RETREG1: variants seen among roughly 807,000 people sequenced by gnomAD.
The protein encoded by RETREG1 is family with sequence similarity 134 member B.
In RETREG1, 44 loss-of-function variants were observed where a neutral mutation model predicts 54.8. The observed-to-expected ratio is 0.80, with a 90% CI of 0.63 to 1.03. The LOEUF (loss-of-function observed/expected upper bound fraction) is 1.03, where lower values mean the gene tolerates loss of function less well. RETREG1 is among the 50% of genes least tolerant of loss of function. RETREG1 has a pLI of 0.00. For missense variants in RETREG1, 554 were observed against 605.1 expected (o/e 0.92, Z 0.89); for synonymous variants, 217 against 238.5 (o/e 0.91, Z 0.83).
intron 3 of RETREG1, among the ~76,000 whole-genome samples, chr5:16,497,994 G>T (rs1025350650): frequency 1.3e-5 from 2 of 152,146 alleles, no homozygotes; most frequent in Non-Finnish European, 2.9e-5. Context: ...ATCTCTTCTT[G>T]TTTCAGCAAG....
At chr5:16,590,854 A>AC (rs1355132484) in intron 1 of RETREG1, among the ~76,000 whole-genome samples, 1 of 150,838 alleles carries the variant, frequency 6.6e-6, no homozygotes, top group Non-Finnish European at 1.5e-5. Context: ...ATGCACACAC[A>AC]AAAAACACAC....
chr5:16,474,743 A>T lies in RETREG1; in HGVS notation c.1492T>A (p.Ter498LysextTer32). The T allele has an allele frequency of 6.2e-7, 1 of 1,606,832 alleles. No individual in the cohort carries two copies. Among genetic ancestry groups the T allele is most frequent in the Non-Finnish European group, 8.5e-7 (1 of 1,178,940 alleles). The change falls in exon 9 of 9, where the codon TAA (stop) becomes AAA (lysine). Residue 498 changes from the stop codon to lysine (K), a stop_lost. Coordinates refer to ENST00000306320, the MANE Select transcript of RETREG1 (RefSeq NM_001034850.3). ...GFLSNLLGGH[*>K] ...TCTGTTGCAAGCTGATTCCTAGATT[A>T]ATGGCCTCCCAGCAGATTTGAAAGG... is the stretch of plus-strand genomic sequence containing the variant.
At chr5:16,484,086 T>G (rs148680967) in intron 3 of RETREG1, among the ~76,000 whole-genome samples, 1 of 152,042 alleles carries the variant, frequency 6.6e-6, no homozygotes, top group African/African-American at 2.4e-5. Context: ...CTATAGAAAA[T>G]TGTTAAAAAG....
At chr5:16,612,837 CTT>C (rs904619575) in intron 1 of RETREG1, among the ~76,000 whole-genome samples, 1 of 152,068 alleles carries the variant, frequency 6.6e-6, no homozygotes, top group African/African-American at 2.4e-5. Context: ...TCGAGAATGT[CTT>C]TTATTTTCTT....
chr5:16,535,327 G>C (rs571913064), intron 3 of RETREG1, among the ~76,000 whole-genome samples: 1 of 152,254 alleles, frequency 6.6e-6, no homozygotes, highest in Non-Finnish European at 1.5e-5. Context: ...TGGAGTTCCT[G>C]TGTGCACGCT....
intron 3 of RETREG1, among the ~76,000 whole-genome samples, chr5:16,563,268 T>C (rs974134818): frequency 2.9e-4 from 44 of 152,318 alleles, no homozygotes; most frequent in African/African-American, 9.4e-4. Context: ...TATTTTATGT[T>C]ATTTTTTAAG....
At chr5:16,512,883 G>A (rs1740223083) in intron 3 of RETREG1, among the ~76,000 whole-genome samples, 1 of 152,106 alleles carries the variant, frequency 6.6e-6, no homozygotes, top group South Asian at 2.1e-4. Flanking sequence ...CCAGGTGCCA[G>A]AAACGGGATT....
chr5:16,563,071 T>C (rs1448925422), intron 3 of RETREG1, among the ~76,000 whole-genome samples: 2 of 152,104 alleles, frequency 1.3e-5, no homozygotes, highest in Non-Finnish European at 1.5e-5. Flanking sequence ...AAACTGTTTT[T>C]AAAAATAACG....
At chr5:16,563,289 GCT>G (rs1741918696) in intron 3 of RETREG1, among the ~76,000 whole-genome samples, 1 of 152,082 alleles carries the variant, frequency 6.6e-6, no homozygotes, top group Non-Finnish European at 1.5e-5. Flanking sequence ...ACAAGGTCTC[GCT>G]CTGTTGCCCA....
chr5:16,474,975 T>C lies in RETREG1; in HGVS notation c.1260A>G (p.Ala420=). The change falls in exon 9 of 9, where the codon GCA becomes GCG. Residue 420 remains alanine (A), a synonymous_variant. Transcript: ENST00000306320. ...ACTGGTCTTTGATAGCTGCAGTCAC[T>C]GCAGCTGTGATAACATCCCCAGCCA... ...SNLAGDVITA[A]VTAAIKDQLE... The C allele has an allele frequency of 1.9e-6, 3 of 1,613,922 alleles. No homozygotes were observed. The highest frequency in any genetic ancestry group is 2.5e-6 in the Non-Finnish European group (3 of 1,179,924).
rs1393991390 is a variant in RETREG1 at position 16,554,456 on chromosome 5, C to A, written c.458+11307G>T. On this transcript the variant is annotated intron_variant, in intron 3 of 8. Transcript: ENST00000306320. ...TGCAGAGTGCTGGTTGTCACCTCCC[C>A]ACATTCACCCTGCCTGCGGGCACAC... 2.6e-5 allele frequency among the ~76,000 whole-genome samples: 4 copies of A among 152,292 alleles called. No homozygotes were observed. In the East Asian group the frequency reaches 5.8e-4, roughly 22 times the overall value.
chr5:16,516,063 CAA>C lies in RETREG1; in HGVS notation c.459-32593_459-32592del, dbSNP rs11351805. 1.6e-3 allele frequency among the ~76,000 whole-genome samples: 190 copies of C among 121,164 alleles called. 1 individual carries two copies. The Middle Eastern group carries it at 0.023, about 15-fold the overall frequency. The allele number at this position is 121,164 out of a possible 152,430, so 79.5% of individuals were successfully genotyped here. A position where few individuals can be genotyped will look rare whatever the true frequency, so the allele number is the denominator to read the frequency against. ...TTCCATGTAAATAGTTGAAATAAAGCAAAAAAAAAAAAAAAAGTGCAACTTAA... is the reference window on the plus strand; with the variant it reads ...TTCCATGTAAATAGTTGAAATAAAGCAAAAAAAAAAAAAAGTGCAACTTAA... On this transcript the variant is annotated intron_variant, in intron 3 of 8. Transcript: ENST00000306320.
intron 1 of RETREG1, among the ~76,000 whole-genome samples, chr5:16,576,516 G>A (rs1372083323): frequency 4.7e-5 from 7 of 150,304 alleles, no homozygotes; most frequent in African/African-American, 1.2e-4. Flanking sequence ...ACGGAGTTTC[G>A]CTCTTGTTGC....
At chr5:16,603,558 G>A (rs1055120774) in intron 1 of RETREG1, among the ~76,000 whole-genome samples, 3 of 152,168 alleles carry the variant, frequency 2.0e-5, no homozygotes, top group Non-Finnish European at 2.9e-5. Flanking sequence ...GAGAGCGGCT[G>A]CCTACAGAGC....
chr5:16,569,563 G>A (rs1329081737), intron 2 of RETREG1, among the ~76,000 whole-genome samples: 1 of 152,164 alleles, frequency 6.6e-6, no homozygotes, highest in African/African-American at 2.4e-5. Flanking sequence ...GACAGCTACT[G>A]TGCTGAAGGC....
At chr5:16,550,275 T>A (rs201810717) in intron 3 of RETREG1, among the ~76,000 whole-genome samples, 26 of 148,328 alleles carry the variant, frequency 1.8e-4, no homozygotes, top group East Asian at 1.6e-3. Context: ...CTTTAAAATT[T>A]AAAAAAAAAA....
At chr5:16,538,520 C>T (rs1443089914) in intron 3 of RETREG1, among the ~76,000 whole-genome samples, 1 of 152,192 alleles carries the variant, frequency 6.6e-6, no homozygotes, top group Non-Finnish European at 1.5e-5. Flanking sequence ...CACGATACTT[C>T]TATTACTACA....
chr5:16,598,027 G>A (rs894885837), intron 1 of RETREG1, among the ~76,000 whole-genome samples: 1 of 151,830 alleles, frequency 6.6e-6, no homozygotes, highest in African/African-American at 2.4e-5. Context: ...TCTTCACCGT[G>A]CCCTACCTCC....
chr5:16,480,788 T>A (rs1738735570), intron 5 of RETREG1, among the ~76,000 whole-genome samples: 1 of 152,078 alleles, frequency 6.6e-6, no homozygotes, highest in Non-Finnish European at 1.5e-5. Flanking sequence ...TAACATAAAA[T>A]TATTCACTTA....
Sources: gnomAD v4.1 joint callset for allele counts (sites outside exome capture counted in the v4.1 genomes callset) on GRCh38, gnomAD v4.1.1 for gene constraint, MANE v1.5 for transcripts, NCBI Gene and HGNC (gene_info 2026-07-23, HGNC 2026-07-21) for gene names.